The following EHMT1 variants were observed in gnomAD, a reference collection of about 807,000 sequenced individuals.
EHMT1 encodes the protein euchromatic histone lysine methyltransferase 1, also known as histone-lysine N-methyltransferase EHMT1.
Under a neutral mutation model 147.2 loss-of-function variants are expected in EHMT1, and 15 were observed. The observed-to-expected ratio is 0.10, with a 90% CI of 0.07 to 0.16. EHMT1 has a LOEUF of 0.16. Ranked by LOEUF, EHMT1 falls within the 10% of genes least tolerant of loss-of-function variation. The probability of loss-of-function intolerance (pLI) is 1.00; values close to 1 mark genes in which losing one functional copy is unlikely to be tolerated. For missense variants in EHMT1, 1,587 were observed against 1,772.4 expected (o/e 0.90, Z 1.88); for synonymous variants, 795 against 709.6 (o/e 1.12, Z -1.91).
chr9:137,704,489 T>G (rs538876592), intron 1 of EHMT1, among the ~76,000 whole-genome samples: 1 of 152,326 alleles, frequency 6.6e-6, no homozygotes, highest in South Asian at 2.1e-4. Flanking sequence ...TAATGGTATT[T>G]AAGAAGAATA....
At chr9:137,740,389 C>T (rs191757853) in intron 4 of EHMT1, among the ~76,000 whole-genome samples, 178 of 152,138 alleles carry the variant, frequency 1.2e-3, no homozygotes, top group Middle Eastern at 3.4e-3. Context: ...GCACTGGCCC[C>T]GCTTCTTTGA....
At chr9:137,795,657 A>G (rs975164370) in intron 16 of EHMT1, among the ~76,000 whole-genome samples, 3 of 152,122 alleles carry the variant, frequency 2.0e-5, no homozygotes, top group African/African-American at 4.8e-5. Flanking sequence ...AACCTCATCA[A>G]TGTTATAACA....
chr9:137,718,722 A>G, intron 3 of EHMT1, among the ~76,000 whole-genome samples: 1 of 148,550 alleles, frequency 6.7e-6, no homozygotes, highest in Non-Finnish European at 1.5e-5. Context: ...CATGCCCAGT[A>G]TCTCTGATTA....
At chr9:137,668,210 GA>G (rs934480191) in intron 1 of EHMT1, among the ~76,000 whole-genome samples, 3 of 152,162 alleles carry the variant, frequency 2.0e-5, no homozygotes, top group Non-Finnish European at 2.9e-5. Context: ...CTACTCCAGA[GA>G]GTCTAACTGA....
chr9:137,762,593 G>GT (rs1355473685), intron 9 of EHMT1, 82 bp from the exon 10 acceptor site: 1 of 1,604,978 alleles, frequency 6.2e-7, no homozygotes, highest in East Asian at 2.2e-5. Context: ...TGAGATCACT[G>GT]TTGAGACTAT....
At chr9:137,663,172 ATTTAT>A (rs1426429125) in intron 1 of EHMT1, among the ~76,000 whole-genome samples, 1 of 152,062 alleles carries the variant, frequency 6.6e-6, no homozygotes, top group East Asian at 1.9e-4. Flanking sequence ...CTTTCTTTGA[ATTTAT>A]TTTGTTATTC....
chr9:137,780,809 ACTGAGATGTGTGGTGATGACG>A, intron 14 of EHMT1, among the ~76,000 whole-genome samples: 1 of 64,302 alleles, frequency 1.6e-5, no homozygotes, highest in African/African-American at 7.4e-5. Flanking sequence ...ACGGCATCTC[ACTGAGATGTGTGGTGATGACG>A]CCGAGACGTG....
At chr9:137,789,478 GCTTA>G (rs1952330667) in intron 15 of EHMT1, among the ~76,000 whole-genome samples, 1 of 152,286 alleles carries the variant, frequency 6.6e-6, no homozygotes, top group South Asian at 2.1e-4. Flanking sequence ...GTTTTTTTAA[GCTTA>G]CTATTCGTTA....
intron 2 of EHMT1, among the ~76,000 whole-genome samples, chr9:137,715,199 G>A (rs1466217178): frequency 6.6e-6 from 1 of 152,156 alleles, no homozygotes; most frequent in African/African-American, 2.4e-5. Context: ...TCCCTTTGGT[G>A]TCACCTGCAC....
chr9:137,631,837 C>CA (rs1275654065), intron 1 of EHMT1, among the ~76,000 whole-genome samples: 2 of 152,046 alleles, frequency 1.3e-5, no homozygotes, highest in Non-Finnish European at 2.9e-5. Flanking sequence ...GTGTTGGTGC[C>CA]ACTGCACTTC....
intron 16 of EHMT1, among the ~76,000 whole-genome samples, chr9:137,797,306 G>A (rs747721470): frequency 2.0e-5 from 3 of 152,064 alleles, no homozygotes; most frequent in Non-Finnish European, 4.4e-5. Flanking sequence ...TTCCCACGGG[G>A]TTCCTTTGGC....
chr9:137,748,988 G>A (rs530433144), intron 6 of EHMT1, among the ~76,000 whole-genome samples: 1 of 152,306 alleles, frequency 6.6e-6, no homozygotes, highest in Admixed American at 6.5e-5. Flanking sequence ...TCTGGGTGCT[G>A]GTGAAGGGAG....
chr9:137,699,164 C>A (rs1943633653), intron 1 of EHMT1, among the ~76,000 whole-genome samples: 1 of 152,140 alleles, frequency 6.6e-6, no homozygotes, highest in African/African-American at 2.4e-5. Flanking sequence ...TGATGCTGAG[C>A]TCTTCACAAA....
At chr9:137,777,859 T>C (rs772548173) in intron 12 of EHMT1, 23 bp from the exon 13 acceptor site, 5 of 1,611,688 alleles carry the variant, frequency 3.1e-6, no homozygotes, top group Non-Finnish European at 4.2e-6. Flanking sequence ...TCATAAACCT[T>C]TCCCCGATTT....
chr9:137,696,030 T>C (rs1943370283), intron 1 of EHMT1, among the ~76,000 whole-genome samples: 1 of 152,206 alleles, frequency 6.6e-6, no homozygotes, highest in Non-Finnish European at 1.5e-5. Context: ...GGAAAGGGAA[T>C]CTGTCCTGAT....
At position 137,775,730 on chromosome 9, in the gene EHMT1, G is replaced by A. The variant is rs1319299883; in HGVS notation, c.1791+478G>A. Among the ~76,000 whole-genome samples, 1 of 152,068 alleles carries A rather than the reference G, an allele frequency of 6.6e-6. No individual in the cohort carries two copies. The highest frequency in any genetic ancestry group is 1.5e-5 in the Non-Finnish European group (1 of 68,002). ...CACACAGCTCCTGGGAGAGGTGGCAGCACCTTGCTGTGCCCTGGGCTGTTT... is the reference window on the plus strand; with the variant it reads ...CACACAGCTCCTGGGAGAGGTGGCAACACCTTGCTGTGCCCTGGGCTGTTT... On this transcript the variant is annotated intron_variant, in intron 11 of 26. Coordinates refer to ENST00000460843, the MANE Select transcript of EHMT1 (RefSeq NM_024757.5). The surrounding 1 kb of genome is among the most constrained non-coding windows in gnomAD (Gnocchi z 6.1).
chr9:137,753,858 C>T (rs551209834), intron 7 of EHMT1, among the ~76,000 whole-genome samples: 13 of 152,292 alleles, frequency 8.5e-5, no homozygotes, highest in African/African-American at 1.7e-4. Context: ...CCTGAGCTTA[C>T]TTATTTAGTT....
At chr9:137,758,250 C>G (rs1949531919) in intron 9 of EHMT1, among the ~76,000 whole-genome samples, 1 of 152,230 alleles carries the variant, frequency 6.6e-6, no homozygotes, top group African/African-American at 2.4e-5. Context: ...CAAGCATGGC[C>G]CAGCGTGGCG....
Position 137,821,283 on chromosome 9 carries a change from T to G in EHMT1, c.3540+3145T>G, listed in dbSNP as rs1218495003. Among the ~76,000 whole-genome samples the G allele has an allele frequency of 4.7e-5, 7 of 149,060 alleles. No homozygotes were observed. In the East Asian group the frequency reaches 1.4e-3, roughly 30 times the overall value. On this transcript the variant is annotated intron_variant, in intron 25 of 26. Coordinates refer to ENST00000460843, the MANE Select transcript of EHMT1 (RefSeq NM_024757.5). Reference sequence around the variant, plus strand: ...ATCCACCTGCCTCGGCCTCCCAAAGTGCTGGGATTACAGGCATGAGCCACT... The same window carrying G: ...ATCCACCTGCCTCGGCCTCCCAAAGGGCTGGGATTACAGGCATGAGCCACT...
Sources: gnomAD v4.1 joint callset for allele counts (sites outside exome capture counted in the v4.1 genomes callset) on GRCh38, gnomAD v4.1.1 for gene constraint, Gnocchi (gnomAD v3.1) non-coding constraint, MANE v1.5 for transcripts, NCBI Gene and HGNC (gene_info 2026-07-23, HGNC 2026-07-21) for gene names.